The following ELOVL6 variants were observed in gnomAD, a reference collection of about 807,000 sequenced individuals.
ELOVL6 encodes ELOVL fatty acid elongase 6.
In ELOVL6, 8 loss-of-function variants were observed where a neutral mutation model predicts 31.7. The observed-to-expected ratio is 0.25, with a 90% CI of 0.15 to 0.45. The LOEUF is 0.45. ELOVL6 is among the 20% of genes least tolerant of loss of function. The pLI is 1.00. For missense variants in ELOVL6, 126 were observed against 326.4 expected, an observed-to-expected ratio of 0.39 and a Z score of 4.73; for synonymous variants, 101 against 117.7, an observed-to-expected ratio of 0.86 and a Z score of 0.92.
intron 2 of ELOVL6, among the ~76,000 whole-genome samples, chr4:110,097,327 A>C (rs1337259466): frequency 2.0e-5 from 3 of 147,976 alleles, no homozygotes; most frequent in Non-Finnish European, 4.5e-5. Context: ...AAAAAAGCTT[A>C]AGAAATCCTC....
At chr4:110,071,830 T>C (rs1434700840) in intron 2 of ELOVL6, among the ~76,000 whole-genome samples, 1 of 152,220 alleles carries the variant, frequency 6.6e-6, no homozygotes, top group East Asian at 1.9e-4. Flanking sequence ...ATCACATCTT[T>C]CGTTGATAAA....
rs1759888001 is a variant in ELOVL6, at chr4:110,198,496, C to G, written c.-161G>C. On this transcript the variant is annotated 5_prime_UTR_variant, in exon 1 of 4. The change abolishes the stop of an existing upstream ORF in the 5' untranslated region. Coordinates refer to ENST00000302274, the MANE Select transcript of ELOVL6 (RefSeq NM_024090.3). ...GCGGTCGTCTCTTCTCCCAGCCTCT[C>G]AGCTACATCCAGGGCTGAGCATTGC... The G allele has an allele frequency of 3.4e-6, 2 of 595,754 alleles. No homozygotes were observed. Among genetic ancestry groups the G allele is most frequent in the Non-Finnish European group, 6.0e-6 (2 of 334,800 alleles). 36.9% of individuals were successfully genotyped at this position (595,754 alleles called of 1,614,324 possible). A position where few individuals can be genotyped will look rare whatever the true frequency, so the allele number is the denominator to read the frequency against.
chr4:110,168,094 G>A (rs534381278), intron 1 of ELOVL6, among the ~76,000 whole-genome samples: 14 of 152,146 alleles, frequency 9.2e-5, no homozygotes, highest in Non-Finnish European at 1.8e-4. Context: ...TATGAACAGA[G>A]CCAAAATTTA....
chr4:110,176,090 A>C (rs1759095519), intron 1 of ELOVL6, among the ~76,000 whole-genome samples: 1 of 151,898 alleles, frequency 6.6e-6, no homozygotes, highest in South Asian at 2.1e-4. Context: ...TTCAGAGATT[A>C]AAGAGTAATT....
intron 1 of ELOVL6, among the ~76,000 whole-genome samples, chr4:110,114,643 G>T (rs1757125938): frequency 6.6e-6 from 1 of 152,048 alleles, no homozygotes; most frequent in South Asian, 2.1e-4. Context: ...AAACTAACAG[G>T]CTACACTTAG....
At chr4:110,063,255 G>T (rs1755197281) in intron 2 of ELOVL6, among the ~76,000 whole-genome samples, 1 of 152,178 alleles carries the variant, frequency 6.6e-6, no homozygotes, top group South Asian at 2.1e-4. Flanking sequence ...TCTTGGACAA[G>T]TGAGTCTCTA....
At chr4:110,117,903 A>AAAAAAAAAATATATATATAT in intron 1 of ELOVL6, 2 of 6,502 alleles carry the variant, frequency 3.1e-4, no homozygotes, top group African/African-American at 3.3e-4. Flanking sequence ...AAAAAAAAAA[A>AAAAAAAAAATATATATATAT]ATATATATAT....
chr4:110,057,954 G>C (rs1755040453), intron 3 of ELOVL6, among the ~76,000 whole-genome samples: 1 of 151,148 alleles, frequency 6.6e-6, no homozygotes, highest in African/African-American at 2.4e-5. Context: ...CTCTGATTCA[G>C]AAACTCTATG....
chr4:110,137,170 A>G (rs1757835003), intron 1 of ELOVL6, among the ~76,000 whole-genome samples: 2 of 152,170 alleles, frequency 1.3e-5, no homozygotes, highest in Admixed American at 1.3e-4. Flanking sequence ...TTTAAATCAG[A>G]CTTTGTAGTT....
chr4:110,065,896 T>C (rs1234399062), intron 2 of ELOVL6, among the ~76,000 whole-genome samples: 2 of 152,208 alleles, frequency 1.3e-5, no homozygotes, highest in Non-Finnish European at 2.9e-5. Context: ...ATTGTTCCCT[T>C]ATTGATCTTC....
intron 2 of ELOVL6, among the ~76,000 whole-genome samples, chr4:110,085,567 A>G (rs970561679): frequency 1.3e-5 from 2 of 152,186 alleles, no homozygotes; most frequent in African/African-American, 2.4e-5. Flanking sequence ...TAGTTGTTCA[A>G]TGGGGACAGT....
At chr4:110,154,749 G>C (rs1201833566) in intron 1 of ELOVL6, among the ~76,000 whole-genome samples, 1 of 152,158 alleles carries the variant, frequency 6.6e-6, no homozygotes, top group East Asian at 1.9e-4. Context: ...AGATGGCTTG[G>C]TGCTACATGA....
At chr4:110,145,457 G>C (rs1038868290) in intron 1 of ELOVL6, among the ~76,000 whole-genome samples, 1 of 152,186 alleles carries the variant, frequency 6.6e-6, no homozygotes, top group Non-Finnish European at 1.5e-5. Flanking sequence ...CATAGTAAAG[G>C]CTTCAGATGT....
At chr4:110,077,881 G>A (rs1415935404) in intron 2 of ELOVL6, among the ~76,000 whole-genome samples, 1 of 152,164 alleles carries the variant, frequency 6.6e-6, no homozygotes, top group African/African-American at 2.4e-5. Context: ...AACTAATGCA[G>A]AGAAGTCCTT....
Position 110,084,148 on chromosome 4 carries a change from T to TATATATG in ELOVL6, c.221+21348_221+21349insCATATAT, listed in dbSNP as rs1560814259. On this transcript the variant is annotated intron_variant, in intron 2 of 3. Coordinates refer to ENST00000302274, the MANE Select transcript of ELOVL6 (RefSeq NM_024090.3). Reference sequence around the variant, plus strand: ...ATATATGTGATAATGATATATATGATATATATAACATATATGTGATATATA... The same window carrying TATATATG: ...ATATATGTGATAATGATATATATGATATATATGATATATAACATATATGTGATATATA... Among the ~76,000 whole-genome samples the TATATATG allele has an allele frequency of 7.6e-4, 60 of 78,630 alleles. 4 individuals are homozygous for TATATATG. Among genetic ancestry groups the TATATATG allele is most frequent in the African/African-American group, 1.6e-3 (22 of 13,818 alleles). 51.6% of individuals were successfully genotyped at this position (78,630 alleles called of 152,430 possible).
chr4:110,109,437 A>G (rs918533874), intron 1 of ELOVL6, among the ~76,000 whole-genome samples: 1 of 152,082 alleles, frequency 6.6e-6, no homozygotes. Flanking sequence ...TATCCTTTTT[A>G]CCCTTCTATT....
intron 2 of ELOVL6, among the ~76,000 whole-genome samples, chr4:110,070,848 G>GCTTCCAGTT (rs1755456616): frequency 2.6e-5 from 4 of 152,140 alleles, no homozygotes; most frequent in Non-Finnish European, 4.4e-5. Flanking sequence ...TTCCTGTACA[G>GCTTCCAGTT]CCTGCGGAAC....
intron 1 of ELOVL6, among the ~76,000 whole-genome samples, chr4:110,188,244 G>A (rs999640562): frequency 2.0e-5 from 3 of 152,122 alleles, no homozygotes; most frequent in Non-Finnish European, 4.4e-5. Flanking sequence ...ATAGGCCAAA[G>A]CTTTATTCTG....
intron 1 of ELOVL6, among the ~76,000 whole-genome samples, chr4:110,172,514 G>T (rs971967928): frequency 1.3e-5 from 2 of 152,092 alleles, no homozygotes; most frequent in Non-Finnish European, 2.9e-5. Flanking sequence ...AATGAGAATT[G>T]CCTGGACCTC....
Sources: allele counts gnomAD v4.1 joint callset (sites outside exome capture counted in the v4.1 genomes callset), GRCh38; gene constraint gnomAD v4.1.1; transcripts MANE v1.5; gene names NCBI Gene and HGNC (gene_info 2026-07-23, HGNC 2026-07-21).